DMD: variants seen among roughly 807,000 people sequenced by gnomAD.
DMD encodes dystrophin.
A neutral mutation model predicts 330.1 loss-of-function variants in DMD; 63 were observed. The ratio of observed to expected loss-of-function variants is 0.19; its 90% CI spans 0.16 to 0.24. The LOEUF (loss-of-function observed/expected upper bound fraction) is 0.24, where lower values mean the gene tolerates loss of function less well. Among genes scored for constraint, DMD ranks in the 10% least tolerant of loss-of-function variants. DMD has a pLI of 1.00. For synonymous variants in DMD, 1,223 were observed against 959.8 expected (o/e 1.27, Z -5.07); for missense variants, 3,344 against 2,684.1 (o/e 1.25, Z -5.43).
At chrX:31,871,841 T>C (rs1404166999) in intron 48 of DMD, among the ~76,000 whole-genome samples, 1 of 110,013 alleles carries the variant, frequency 9.1e-6, no homozygotes, top group East Asian at 2.9e-4. Flanking sequence ...GGAAAAATAG[T>C]TTAATTCCTT....
intron 22 of DMD, among the ~76,000 whole-genome samples, chrX:32,471,752 T>A (rs918180599): frequency 8.9e-6 from 1 of 111,766 alleles, no homozygotes; most frequent in Non-Finnish European, 1.9e-5. Context: ...TCATAGGAGT[T>A]CCTGGAACCA....
rs779687554 is a variant in DMD at position 32,890,337 on chromosome X, G to A, written c.94-40517C>T. 9.3e-5 allele frequency among the ~76,000 whole-genome samples: 10 copies of A among 107,340 alleles called. No individual in the cohort carries two copies. The South Asian group carries it at 1.2e-3, about 13-fold the overall frequency. The allele number at this position is 107,340 out of a possible 115,157, so 93.2% of individuals were successfully genotyped here. A position where few individuals can be genotyped will look rare whatever the true frequency, so the allele number is the denominator to read the frequency against. On this transcript the variant is annotated intron_variant, in intron 2 of 78. Coordinates refer to ENST00000357033, the MANE Select transcript of DMD (RefSeq NM_004006.3). ...CGCAGAAAGAGAAAATAAACCTTTC[G>A]TTGAAATTAACCTTAGACCTAGATT...
At chrX:32,095,997 C>T (rs1213333034) in intron 44 of DMD, among the ~76,000 whole-genome samples, 1 of 110,984 alleles carries the variant, frequency 9.0e-6, no homozygotes, top group Non-Finnish European at 1.9e-5. Context: ...TGTTGGTGTG[C>T]TGCACCCATT....
intron 30 of DMD, among the ~76,000 whole-genome samples, chrX:32,401,532 G>T (rs1435957708): frequency 2.7e-5 from 3 of 111,227 alleles, no homozygotes; most frequent in African/African-American, 9.8e-5. Context: ...GAACTATGGA[G>T]ATAGAGAGTA....
intron 55 of DMD, among the ~76,000 whole-genome samples, chrX:31,553,944 T>C (rs2074646772): frequency 1.8e-5 from 2 of 112,784 alleles, no homozygotes; most frequent in Non-Finnish European, 3.7e-5. Context: ...ACAATATCAT[T>C]ACATATGTCC....
At chrX:32,190,302 A>T (rs1389993023) in intron 44 of DMD, among the ~76,000 whole-genome samples, 1 of 109,501 alleles carries the variant, frequency 9.1e-6, no homozygotes, top group East Asian at 2.9e-4. Flanking sequence ...ATTATTTAAC[A>T]TCTGTACACC....
chrX:31,683,325 T>G (rs2082487305), intron 52 of DMD, among the ~76,000 whole-genome samples: 1 of 112,111 alleles, frequency 8.9e-6, no homozygotes. Context: ...TTAAGACAGA[T>G]TACCTGGCTT....
intron 37 of DMD, among the ~76,000 whole-genome samples, chrX:32,356,005 A>C (rs1365287445): frequency 9.0e-6 from 1 of 110,878 alleles, no homozygotes; most frequent in Non-Finnish European, 1.9e-5. Context: ...GTGTTAAGTT[A>C]TAATACGATC....
intron 50 of DMD, among the ~76,000 whole-genome samples, chrX:31,795,779 G>T (rs2149329405): frequency 8.9e-6 from 1 of 111,868 alleles, no homozygotes; most frequent in Admixed American, 9.5e-5. Context: ...ATGATAATAT[G>T]GAGAGAGAAG....
At chrX:31,821,828 T>C (rs2092767276) in intron 49 of DMD, among the ~76,000 whole-genome samples, 1 of 111,916 alleles carries the variant, frequency 8.9e-6, no homozygotes, top group Non-Finnish European at 1.9e-5. Flanking sequence ...TTAAAATAAA[T>C]ACATTAGCAG....
intron 7 of DMD, among the ~76,000 whole-genome samples, chrX:32,731,731 G>A (rs868169463): frequency 2.7e-5 from 3 of 112,086 alleles, no homozygotes; most frequent in African/African-American, 9.7e-5. Flanking sequence ...CTAACAAACA[G>A]AAAGGACATC....
intron 13 of DMD, among the ~76,000 whole-genome samples, chrX:32,588,303 T>C: frequency 9.0e-6 from 1 of 110,846 alleles, no homozygotes; most frequent in Admixed American, 9.6e-5. Context: ...AAAGAGGGAG[T>C]AGTCATCACT....
chrX:33,130,922 A>G (rs764597589), intron 1 of DMD, among the ~76,000 whole-genome samples: 2 of 111,572 alleles, frequency 1.8e-5, no homozygotes, highest in South Asian at 7.5e-4. Flanking sequence ...GCATTCAAGA[A>G]TCTTCTCAGC....
chrX:33,170,694 A>C (rs2049295522), intron 1 of DMD, among the ~76,000 whole-genome samples: 1 of 112,015 alleles, frequency 8.9e-6, no homozygotes, highest in Non-Finnish European at 1.9e-5. Context: ...TGTGTATTTT[A>C]CATTTATAGT....
chrX:31,702,624 C>T (rs1016194828), intron 52 of DMD, among the ~76,000 whole-genome samples: 29 of 111,187 alleles, frequency 2.6e-4, no homozygotes, highest in African/African-American at 9.5e-4. Context: ...TCTAGTTCAG[C>T]GGAACACAAC....
intron 1 of DMD, among the ~76,000 whole-genome samples, chrX:33,163,334 C>T (rs1375288697): frequency 9.2e-6 from 1 of 109,006 alleles, no homozygotes; most frequent in Non-Finnish European, 1.9e-5. Flanking sequence ...ATCAGGAGTT[C>T]GAGACCAGCC....
At chrX:31,315,182 C>T (rs1299844370) in intron 62 of DMD, among the ~76,000 whole-genome samples, 1 of 111,577 alleles carries the variant, frequency 9.0e-6, no homozygotes, top group Non-Finnish European at 1.9e-5. Flanking sequence ...AATAAACTAA[C>T]TTTGATTAGG....
At chrX:32,419,265 G>T (rs765278677) in intron 29 of DMD, among the ~76,000 whole-genome samples, 1 of 111,734 alleles carries the variant, frequency 8.9e-6, no homozygotes, top group Non-Finnish European at 1.9e-5. Context: ...TACAACAGAA[G>T]AAATAATTTA....
intron 45 of DMD, among the ~76,000 whole-genome samples, chrX:31,933,883 T>C (rs1020941195): frequency 8.9e-5 from 10 of 111,977 alleles, no homozygotes; most frequent in Non-Finnish European, 1.7e-4. Flanking sequence ...TTAACCTGGC[T>C]GTATAGCATT....
Sources: allele counts gnomAD v4.1 joint callset (sites outside exome capture counted in the v4.1 genomes callset), GRCh38; gene constraint gnomAD v4.1.1; transcripts MANE v1.5; gene names NCBI Gene and HGNC (gene_info 2026-07-23, HGNC 2026-07-21).